The following USP39 variants were observed in gnomAD, a reference collection of about 807,000 sequenced individuals.
USP39 encodes ubiquitin carboxyl-terminal hydrolase 39.
USP39 carries 38 observed loss-of-function variants against 66.4 expected under a neutral mutation model. The observed-to-expected ratio is 0.57, with a 90% CI of 0.44 to 0.75. USP39 has a LOEUF of 0.75. USP39 is among the 30% of genes least tolerant of loss of function. USP39 has a pLI of 0.00. For missense variants in USP39, 608 were observed against 714.4 expected (o/e 0.85, Z 1.70); for synonymous variants, 303 against 274.6 (o/e 1.10, Z -1.02).
intron 5 of USP39, among the ~76,000 whole-genome samples, chr2:85,629,860 G>A (rs1469951696): frequency 6.6e-6 from 1 of 151,764 alleles, no homozygotes; most frequent in Non-Finnish European, 1.5e-5. Flanking sequence ...GGGCATGGTG[G>A]CTTAGGCATG....
upstream of USP39, chr2:85,609,162 C>A: frequency 3.3e-6 from 5 of 1,517,580 alleles, no homozygotes; most frequent in Admixed American, 2.1e-5. Context: ...CTCCATTTAG[C>A]TCAAGGCTTT....
upstream of USP39, chr2:85,608,898 C>A (rs755211478): frequency 5.0e-6 from 8 of 1,604,792 alleles, no homozygotes; most frequent in Non-Finnish European, 5.1e-6. Context: ...GGGCAGAATT[C>A]TTCCGAGTGC....
chr2:85,646,053 G>A (rs921854236), intron 11 of USP39: 4 of 152,180 alleles, frequency 2.6e-5, no homozygotes, highest in Non-Finnish European at 5.9e-5. Context: ...CATCAGTCTT[G>A]TTAGAAATCA....
In USP39 at chr2:85,648,742, G is replaced by T; in HGVS notation, c.1651-19G>T. 1 of 1,613,982 alleles carries T rather than the reference G, an allele frequency of 6.2e-7. No homozygotes were observed. Among genetic ancestry groups the T allele is most frequent in the South Asian group, 1.1e-5 (1 of 91,078 alleles). On this transcript the variant is annotated intron_variant, in intron 12 of 12. Transcript: ENST00000323701. ...CTGAATGCCTCCTAGACTTCAGTTT[G>T]TGTTTTCATTTCTTACAGATTTGGA... is the stretch of plus-strand genomic sequence containing the variant.
At position 85,622,604 on chromosome 2, in the gene USP39, T is replaced by C. The variant is rs1240465627; in HGVS notation, c.433+1025T>C. On this transcript the variant is annotated intron_variant, in intron 3 of 12. Transcript: ENST00000323701. ...TTTGTGGAGACAAGGCCTTATTATG[T>C]TACCCAGGCTACAATTTTTTTTTTT... Among the ~76,000 whole-genome samples, 4 of 150,086 alleles carry C rather than the reference T, an allele frequency of 2.7e-5. No homozygotes were observed. In the East Asian group the frequency reaches 7.7e-4, roughly 29 times the overall value.
chr2:85,612,039 C>T (rs1409416424), upstream of USP39: 12 of 1,294,048 alleles, frequency 9.3e-6, no homozygotes, highest in Non-Finnish European at 1.2e-5. Flanking sequence ...CAACAGCCAC[C>T]CGCCCACAGA....
At chr2:85,606,118 G>A (rs1673203072) in intron 1 of USP39, among the ~76,000 whole-genome samples, 1 of 152,202 alleles carries the variant, frequency 6.6e-6, no homozygotes, top group Non-Finnish European at 1.5e-5. Context: ...TTCAGCAAGC[G>A]AAGAACATTC....
Position 85,649,135 on chromosome 2 carries a change from T to G in USP39, c.*327T>G. The G allele has an allele frequency of 7.8e-6, 2 of 257,338 alleles. No homozygotes were observed. Among genetic ancestry groups the G allele is most frequent in the Middle Eastern group, 1.3e-3 (1 of 772 alleles). 15.9% of individuals were successfully genotyped at this position (257,338 alleles called of 1,614,324 possible). On this transcript the variant is annotated 3_prime_UTR_variant, in exon 13 of 13. Transcript: ENST00000323701. The stretch of plus-strand genomic sequence containing the variant: ...CTGGGAGTAGTTGAAGAACAGATAA[T>G]TCCTTCCAAACATCAAGCCTTGGGA...
rs768850385 is a variant in USP39, at chr2:85,616,325, C to G, written c.130C>G (p.Arg44Gly). The G allele has an allele frequency of 3.3e-5, 52 of 1,587,830 alleles. No individual in the cohort carries two copies. Among genetic ancestry groups the G allele is most frequent in the Middle Eastern group, 1.7e-4 (1 of 5,904 alleles). The change falls in exon 1 of 13, where the codon CGG becomes GGG. Residue 44 changes from arginine (R) to glycine (G), a missense_variant. Transcript: ENST00000323701. ...GCGGGAGCCTGAGGCGGCGAGCTCC[C>G]GGGGCAGCCCTGTGCGCGTGAAGCG... is the stretch of plus-strand genomic sequence containing the variant. ...REREPEAASS[R>G]GSPVRVKREF...
upstream of USP39, chr2:85,608,946 C>A (rs757299153): frequency 7.4e-6 from 12 of 1,613,964 alleles, no homozygotes; most frequent in Non-Finnish European, 1.0e-5. Context: ...TCAACATGGT[C>A]AGTGTTGGCT....
At chr2:85,633,163 C>A (rs1464377545) in intron 6 of USP39, among the ~76,000 whole-genome samples, 4 of 152,070 alleles carry the variant, frequency 2.6e-5, no homozygotes, top group African/African-American at 9.7e-5. Context: ...CTCTGTTGCC[C>A]AAGCTGGAGT....
At chr2:85,635,422 T>A (rs1675690191) in intron 6 of USP39, among the ~76,000 whole-genome samples, 1 of 152,148 alleles carries the variant, frequency 6.6e-6, no homozygotes, top group Non-Finnish European at 1.5e-5. Flanking sequence ...TAGCTGGGCA[T>A]GGTAGCAGGC....
intron 6 of USP39, among the ~76,000 whole-genome samples, chr2:85,633,542 G>T (rs536709121): frequency 6.6e-6 from 1 of 152,236 alleles, no homozygotes; most frequent in African/African-American, 2.4e-5. Flanking sequence ...GATCAAGGTG[G>T]GTGGATTGCT....
chr2:85,646,161 G>A (rs544066403), intron 11 of USP39: 6 of 152,312 alleles, frequency 3.9e-5, no homozygotes, highest in African/African-American at 1.2e-4. Flanking sequence ...TAAAGTTTGC[G>A]AAGCACTGGT....
At chr2:85,609,196 T>C (rs2104146025), upstream of USP39, 6 of 1,344,450 alleles carry the variant, frequency 4.5e-6, no homozygotes, top group Non-Finnish European at 6.1e-6. Context: ...TCATTTCCTA[T>C]GTGTCTCCTG....
At chr2:85,639,454 C>CTTTTT in intron 9 of USP39, 63 bp downstream of exon 9, 11 of 1,177,668 alleles carry the variant, frequency 9.3e-6, no homozygotes, top group East Asian at 2.9e-5. Flanking sequence ...TTTTCATTTT[C>CTTTTT]TTTTTTTTTT....
chr2:85,612,189 AC>A (rs905246829), upstream of USP39: 31 of 995,944 alleles, frequency 3.1e-5, no homozygotes, highest in African/African-American at 1.3e-4. Context: ...CTTGACTTCC[AC>A]CCCCCGGACG....
intron 5 of USP39, among the ~76,000 whole-genome samples, chr2:85,627,815 A>G (rs964484297): frequency 2.6e-5 from 4 of 152,004 alleles, no homozygotes; most frequent in Non-Finnish European, 4.4e-5. Flanking sequence ...GATCACTTCT[A>G]AAGTTAATTA....
At chr2:85,606,494 G>A (rs2104132675) in intron 1 of USP39, among the ~76,000 whole-genome samples, 1 of 152,346 alleles carries the variant, frequency 6.6e-6, no homozygotes, top group African/African-American at 2.4e-5. Context: ...CCATCCTTGG[G>A]CAGGCATTTC....
Sources: gnomAD v4.1 joint callset for allele counts (sites outside exome capture counted in the v4.1 genomes callset) on GRCh38, gnomAD v4.1.1 for gene constraint, MANE v1.5 for transcripts, NCBI Gene and HGNC (gene_info 2026-07-23, HGNC 2026-07-21) for gene names.